Variants in NSD2 observed in about 807,000 individuals in gnomAD.
NSD2 encodes the protein nuclear receptor binding SET domain protein 2, also known as histone-lysine N-methyltransferase NSD2.
In NSD2, 12 loss-of-function variants were observed where a neutral mutation model predicts 139.0. That is an observed-to-expected ratio of 0.09 (90% CI 0.06 to 0.14). The LOEUF (loss-of-function observed/expected upper bound fraction) is 0.14. Among genes scored for constraint, NSD2 ranks in the 10% least tolerant of loss-of-function variants. The pLI is 1.00. For synonymous variants in NSD2, 669 were observed against 648.7 expected, an observed-to-expected ratio of 1.03 and a Z score of -0.48; for missense variants, 1,155 against 1,745.0, an observed-to-expected ratio of 0.66 and a Z score of 6.02.
At chr4:1,898,383 G>A (rs571321221) in intron 1 of NSD2, among the ~76,000 whole-genome samples, 2 of 152,304 alleles carry the variant, frequency 1.3e-5, no homozygotes, top group East Asian at 3.9e-4. Flanking sequence ...ATGGTTTCGT[G>A]GCCAGGTGCG....
chr4:1,914,910 T>C (rs1169775316), intron 3 of NSD2, among the ~76,000 whole-genome samples: 2 of 152,128 alleles, frequency 1.3e-5, no homozygotes, highest in Non-Finnish European at 2.9e-5. Flanking sequence ...CACTTAGGAC[T>C]GTTTTAGTTG....
intron 6 of NSD2, among the ~76,000 whole-genome samples, chr4:1,931,172 T>G (rs1391066362): frequency 6.6e-6 from 1 of 152,180 alleles, no homozygotes; most frequent in Non-Finnish European, 1.5e-5. Flanking sequence ...GGCAGCACTT[T>G]TCTTGCTTCT....
chr4:1,931,333 C>T (rs1721608595), intron 6 of NSD2, among the ~76,000 whole-genome samples: 1 of 152,098 alleles, frequency 6.6e-6, no homozygotes, highest in African/African-American at 2.4e-5. Flanking sequence ...CTTCCTAGGC[C>T]TTCGGCTTAA....
In NSD2 at chr4:1,978,890, G is replaced by A; in HGVS notation, c.4079G>A (p.Arg1360Lys). 1.3e-6 allele frequency: 2 copies of A among 1,563,262 alleles called. No individual in the cohort carries two copies. Among genetic ancestry groups the A allele is most frequent in the South Asian group, 2.3e-5 (2 of 85,134 alleles). ...GKRRRRRGWR[R>K]VTEGK ...AGGCGGCGGCGGAGGGGCTGGCGGAGAGTCACAGAGGGCAAATAGCGCCAG... is the reference window on the plus strand; with the variant it reads ...AGGCGGCGGCGGAGGGGCTGGCGGAAAGTCACAGAGGGCAAATAGCGCCAG... The change falls in exon 22 of 22, where the codon AGA (arginine) becomes AAA (lysine). Residue 1360 changes from arginine (R) to lysine (K), a missense_variant. Around this residue, in one of 8 missense-constraint regions of NSD2, gnomAD observed 132 missense variants for 94.3 expected, o/e 1.40. Transcript: ENST00000508803.
chr4:1,885,118 AAAAAT>A (rs1216620639), intron 1 of NSD2, among the ~76,000 whole-genome samples: 1 of 148,860 alleles, frequency 6.7e-6, no homozygotes, highest in South Asian at 2.1e-4. Context: ...TTCAAAAAAA[AAAAAT>A]AAAAATAAAA....
At position 1,974,215 on chromosome 4, in the gene NSD2, C is replaced by T; in HGVS notation, c.3373-648C>T. Among the ~76,000 whole-genome samples, 1 of 144,940 alleles carries T rather than the reference C, an allele frequency of 6.9e-6. No individual in the cohort carries two copies. Among genetic ancestry groups the T allele is most frequent in the East Asian group, 2.0e-4 (1 of 5,028 alleles). On this transcript the variant is annotated intron_variant, in intron 18 of 21. Transcript: ENST00000508803. The surrounding 1 kb of genome is among the most constrained non-coding windows in gnomAD (Gnocchi z 4.0). The stretch of plus-strand genomic sequence containing the variant: ...TTTGCTGGTTTTCGGTTGGGTGAGT[C>T]TTTTTTTTTTTTGAGACGGAGTTTT...
chr4:1,926,730 C>T (rs758529932), intron 5 of NSD2, among the ~76,000 whole-genome samples: 1 of 152,176 alleles, frequency 6.6e-6, no homozygotes, highest in African/African-American at 2.4e-5. Context: ...CTCGGCCTCC[C>T]TAAGTGCTGG....
In NSD2 at chr4:1,950,966, A is replaced by G. The variant is rs1577524755; in HGVS notation, c.1882-106A>G. 6 of 1,471,672 alleles carry G rather than the reference A, an allele frequency of 4.1e-6. No homozygotes were observed. The East Asian group carries it at 1.4e-4, about 34-fold the overall frequency. The allele number at this position is 1,471,672 out of a possible 1,614,324, so 91.2% of individuals were successfully genotyped here. A position where few individuals can be genotyped will look rare whatever the true frequency, so the allele number is the denominator to read the frequency against. On this transcript the variant is annotated intron_variant, in intron 9 of 21. Transcript: ENST00000508803. ...TGGCGGTACAGGACCAGTGCTGAGAAAGACTGGTGGGTGGTGGGGTGGGGC... is the reference window on the plus strand; with the variant it reads ...TGGCGGTACAGGACCAGTGCTGAGAGAGACTGGTGGGTGGTGGGGTGGGGC...
chr4:1,911,587 C>CAA (rs372660600), intron 3 of NSD2, among the ~76,000 whole-genome samples: 524 of 41,950 alleles, frequency 0.012, 29 homozygotes, highest in Non-Finnish European at 0.017. Context: ...GACGCCATCT[C>CAA]AAAAAAAAAA....
intron 3 of NSD2, among the ~76,000 whole-genome samples, chr4:1,909,855 G>C (rs1718429619): frequency 6.6e-6 from 1 of 151,738 alleles, no homozygotes; most frequent in Admixed American, 6.6e-5. Context: ...TGGCCAGGCT[G>C]GTCTCAACCT....
intron 1 of NSD2, among the ~76,000 whole-genome samples, chr4:1,874,807 TG>T (rs1354074796): frequency 6.6e-6 from 1 of 152,082 alleles, no homozygotes; most frequent in East Asian, 1.9e-4. Context: ...GGAGATGACA[TG>T]GGGGCTTTAG....
At chr4:1,963,365 G>C (rs977607497) in intron 18 of NSD2, among the ~76,000 whole-genome samples, 2 of 152,124 alleles carry the variant, frequency 1.3e-5, no homozygotes, top group African/African-American at 4.8e-5. Flanking sequence ...TAGACCCCTG[G>C]GAGGGTTTTA....
At chr4:1,872,607 A>AGAGAGAGAGAGAGAGAGAGAGAG (rs1713918764) in intron 1 of NSD2, among the ~76,000 whole-genome samples, 2 of 135,148 alleles carry the variant, frequency 1.5e-5, no homozygotes, top group Non-Finnish European at 3.2e-5. Context: ...AGAGAGAGAG[A>AGAGAGAGAGAGAGAGAGAGAGAG]GAGAGAGAGA....
intron 2 of NSD2, 88 bp downstream of exon 2, chr4:1,901,339 C>T (rs867799196): frequency 3.9e-5 from 48 of 1,225,674 alleles, no homozygotes; most frequent in African/African-American, 3.5e-4. Context: ...AGTACTGGGG[C>T]GGGCGGAGAA....
In NSD2 at chr4:1,930,760, A is replaced by G. The variant is rs1418163207; in HGVS notation, c.1545A>G (p.Glu515=). ...KFALVAPVQA[E]EDSGNVNGKK... is the part of the protein sequence containing the mutation. Reference sequence around the variant, plus strand: ...CCCTGGTGGCCCCTGTCCAGGCTGAAGAAGACTCTGGTAAACATAGCATTA... The same window carrying G: ...CCCTGGTGGCCCCTGTCCAGGCTGAGGAAGACTCTGGTAAACATAGCATTA... Residue 515 remains glutamate (E), a synonymous_variant, in exon 6 of 22, where the codon GAA becomes GAG. Transcript: ENST00000508803. The G allele has an allele frequency of 1.2e-6, 2 of 1,613,182 alleles. No individual in the cohort carries two copies. Among genetic ancestry groups the G allele is most frequent in the African/African-American group, 2.7e-5 (2 of 74,828 alleles).
rs142191128 is a variant in NSD2 at position 1,906,650 on chromosome 4, C to G, written c.760+2272C>G. The stretch of plus-strand genomic sequence containing the variant: ...TACTGCCATTTTTACTTCTCTCTCT[C>G]TCTCTTTTTTTTTTTTTTTTTTTTT... On this transcript the variant is annotated intron_variant, in intron 3 of 21. Coordinates refer to ENST00000508803, the MANE Select transcript of NSD2 (RefSeq NM_001042424.3). Among the ~76,000 whole-genome samples, 1,421 of 146,180 alleles carry G rather than the reference C, an allele frequency of 9.7e-3. 29 individuals carry two copies. The highest frequency in any genetic ancestry group is 0.035 in the African/African-American group (1,359 of 39,240).
intron 18 of NSD2, among the ~76,000 whole-genome samples, chr4:1,965,051 C>CAAAAAAAAAAAAA (rs555374240): frequency 4.2e-5 from 2 of 47,176 alleles, no homozygotes; most frequent in African/African-American, 7.6e-5. Context: ...CAGTGTTCAG[C>CAAAAAAAAAAAAA]AAAAAAAAAA....
chr4:1,947,838 TTTG>T, intron 9 of NSD2: 1 of 1,050,510 alleles, frequency 9.5e-7, no homozygotes, highest in South Asian at 4.6e-5. Flanking sequence ...TGTGAAGGGA[TTTG>T]TTTTGTCAAA....
chr4:1,981,785 C>G lies in NSD2; in HGVS notation c.*2876C>G, dbSNP rs964672933. 2.5e-6 allele frequency: 1 copy of G among 398,372 alleles called. No individual in the cohort carries two copies. Among genetic ancestry groups the G allele is most frequent in the Non-Finnish European group, 4.4e-6 (1 of 226,040 alleles). The allele number at this position is 398,372 out of a possible 1,614,324, so 24.7% of individuals were successfully genotyped here. A position where few individuals can be genotyped will look rare whatever the true frequency, so the allele number is the denominator to read the frequency against. On this transcript the variant is annotated 3_prime_UTR_variant, in exon 22 of 22. Transcript: ENST00000508803. ...CCAGAATTAAACCTGTTTTATAATTCAAGTTAATGCAAATGACTGTCAGTT... is the reference window on the plus strand; with the variant it reads ...CCAGAATTAAACCTGTTTTATAATTGAAGTTAATGCAAATGACTGTCAGTT...
Sources: allele counts gnomAD v4.1 joint callset (sites outside exome capture counted in the v4.1 genomes callset), GRCh38; gene constraint gnomAD v4.1.1; regional missense constraint gnomAD v4.1.1; non-coding constraint Gnocchi (gnomAD v3.1); transcripts MANE v1.5; gene names NCBI Gene and HGNC (gene_info 2026-07-23, HGNC 2026-07-21).